RBM46: variants seen among roughly 807,000 people sequenced by gnomAD.
RBM46 encodes probable RNA-binding protein 46.
In RBM46, 12 loss-of-function variants were observed where a neutral mutation model predicts 43.3. The ratio of observed to expected loss-of-function variants is 0.28; its 90% CI spans 0.18 to 0.45. RBM46 has a LOEUF of 0.45. Ranked by LOEUF, RBM46 falls within the 20% of genes least tolerant of loss-of-function variation. The pLI, the probability that RBM46 is intolerant of heterozygous loss-of-function variation, is 1.00. For synonymous variants in RBM46, 205 were observed against 207.6 expected (o/e 0.99, Z 0.11); for missense variants, 412 against 639.1 (o/e 0.64, Z 3.83).
chr4:154,786,947 G>A lies in RBM46; in HGVS notation c.-12+5511G>A, dbSNP rs575448112. Among the ~76,000 whole-genome samples, 8 of 152,128 alleles carry A rather than the reference G, an allele frequency of 5.3e-5. No homozygotes were observed. In the South Asian group the frequency reaches 1.0e-3, roughly 20 times the overall value. On this transcript the variant is annotated intron_variant, in intron 1 of 4. Transcript: ENST00000281722. ...TTCTTGGAAAACAAAAACAATAACTGTGTGAGGTTAGTAAATTATAAGAAC... is the reference window on the plus strand; with the variant it reads ...TTCTTGGAAAACAAAAACAATAACTATGTGAGGTTAGTAAATTATAAGAAC...
intron 4 of RBM46, among the ~76,000 whole-genome samples, chr4:154,815,553 C>G (rs1735393683): frequency 6.6e-6 from 1 of 151,956 alleles, no homozygotes; most frequent in Non-Finnish European, 1.5e-5. Flanking sequence ...ATGATGATAA[C>G]TTACGATATT....
Position 154,828,148 on chromosome 4 carries a change from G to T in RBM46, c.*81G>T. ...CAAATTAAAATATTGTTTTATTTTA[G>T]AATCGGGTTTGCATATTTGGTTTTA... On this transcript the variant is annotated 3_prime_UTR_variant, in exon 5 of 5. Transcript: ENST00000281722. 1.8e-6 allele frequency: 2 copies of T among 1,107,686 alleles called. No individual in the cohort carries two copies. Among genetic ancestry groups the T allele is most frequent in the South Asian group, 1.3e-5 (1 of 76,588 alleles). 68.6% of individuals were successfully genotyped at this position (1,107,686 alleles called of 1,614,324 possible). A position where few individuals can be genotyped will look rare whatever the true frequency, so the allele number is the denominator to read the frequency against.
chr4:154,795,126 A>G (rs1734287447), intron 1 of RBM46, among the ~76,000 whole-genome samples: 1 of 152,190 alleles, frequency 6.6e-6, no homozygotes, highest in Non-Finnish European at 1.5e-5. Flanking sequence ...AAATACATGT[A>G]TAGTGCTTAT....
Position 154,827,799 on chromosome 4 carries a change from T to C in RBM46, c.1403-69T>C. 3.7e-6 allele frequency: 6 copies of C among 1,601,068 alleles called. No individual in the cohort carries two copies. In the South Asian group the frequency reaches 5.6e-5, roughly 15 times the overall value. ...TTAAAATGTGATTATTGTTTAATGCTTTGTCTCTTTAAATTAAATTTGTGT... is the reference window on the plus strand; with the variant it reads ...TTAAAATGTGATTATTGTTTAATGCCTTGTCTCTTTAAATTAAATTTGTGT... On this transcript the variant is annotated intron_variant, in intron 4 of 4. Coordinates refer to ENST00000281722, the MANE Select transcript of RBM46 (RefSeq NM_144979.5).
At chr4:154,827,107 G>GTT (rs1175396799) in intron 4 of RBM46, 1 of 1,055,520 alleles carries the variant, frequency 9.5e-7, no homozygotes, top group African/African-American at 1.7e-5. Context: ...AAATGTTGCA[G>GTT]TTAATGAAAC....
Position 154,798,330 on chromosome 4 carries a change from A to G in RBM46, c.619+52A>G, listed in dbSNP as rs746813133. 5 of 1,124,958 alleles carry G rather than the reference A, an allele frequency of 4.4e-6. No individual in the cohort carries two copies. The South Asian group carries it at 8.0e-5, about 18-fold the overall frequency. 69.7% of individuals were successfully genotyped at this position (1,124,958 alleles called of 1,614,324 possible). A position where few individuals can be genotyped will look rare whatever the true frequency, so the allele number is the denominator to read the frequency against. ...TTAACATTATTACAAATATGGAGAG[A>G]TGATAGTACATCAGGGATCAATATT... On this transcript the variant is annotated intron_variant, in intron 3 of 4. Transcript: ENST00000281722.
intron 4 of RBM46, among the ~76,000 whole-genome samples, chr4:154,805,843 GAGTTATA>G (rs1301892629): frequency 6.6e-6 from 1 of 151,678 alleles, no homozygotes; most frequent in Non-Finnish European, 1.5e-5. Context: ...TATTATAATG[GAGTTATA>G]AATTATAAAT....
rs1447765700 is a variant in RBM46, at chr4:154,808,141, T to C, written c.1402+8577T>C. On this transcript the variant is annotated intron_variant, in intron 4 of 4. Transcript: ENST00000281722. ...TCTCTTAAACAGTTGTATTGCCTGATAATTTGGTTTTTGTACTTTGTTACT... is the reference window on the plus strand; with the variant it reads ...TCTCTTAAACAGTTGTATTGCCTGACAATTTGGTTTTTGTACTTTGTTACT... Among the ~76,000 whole-genome samples the C allele has an allele frequency of 1.8e-4, 27 of 152,148 alleles. No individual in the cohort carries two copies. In the South Asian group the frequency reaches 5.4e-3, roughly 30 times the overall value.
chr4:154,783,184 C>A (rs1178501821), intron 1 of RBM46, among the ~76,000 whole-genome samples: 1 of 152,148 alleles, frequency 6.6e-6, no homozygotes. Context: ...AATATTAATG[C>A]TTTCTGCTTA....
At chr4:154,791,339 G>A (rs1709290400) in intron 1 of RBM46, among the ~76,000 whole-genome samples, 1 of 152,178 alleles carries the variant, frequency 6.6e-6, no homozygotes, top group Admixed American at 6.5e-5. Flanking sequence ...AGGGATGCCA[G>A]TTTAGGAAGT....
intron 4 of RBM46, 29 bp downstream of exon 4, chr4:154,799,593 A>G: frequency 7.2e-7 from 1 of 1,392,094 alleles, no homozygotes; most frequent in Non-Finnish European, 9.6e-7. Flanking sequence ...TAAATGATGT[A>G]TAATATGAAA....
chr4:154,783,350 T>C (rs1480672146), intron 1 of RBM46, among the ~76,000 whole-genome samples: 1 of 152,254 alleles, frequency 6.6e-6, no homozygotes, highest in Non-Finnish European at 1.5e-5. Flanking sequence ...ACCCAGTTTA[T>C]GGACTGAAAT....
At position 154,798,789 on chromosome 4, in the gene RBM46, C is replaced by T. The variant is rs749751745; in HGVS notation, c.627C>T (p.Phe209=). The T allele has an allele frequency of 4.1e-5, 60 of 1,475,228 alleles. 1 individual carries two copies. The highest frequency in any genetic ancestry group is 4.9e-5 in the Non-Finnish European group (55 of 1,115,508). The allele number at this position is 1,475,228 out of a possible 1,614,324, so 91.4% of individuals were successfully genotyped here. Reference sequence around the variant, plus strand: ...ATTATTTTTTTTTTACAGGAACATTCCAACTATGGGGCCACACCATTCAGG... The same window carrying T: ...ATTATTTTTTTTTTACAGGAACATTTCAACTATGGGGCCACACCATTCAGG... ...MARRKLIPGT[F]QLWGHTIQVD... Residue 209 remains phenylalanine, a synonymous_variant, in exon 4 of 5, where the codon TTC becomes TTT. Transcript: ENST00000281722.
intron 4 of RBM46, among the ~76,000 whole-genome samples, chr4:154,823,004 C>T (rs1315824154): frequency 6.6e-6 from 1 of 151,644 alleles, no homozygotes; most frequent in African/African-American, 2.4e-5. Flanking sequence ...TAAATAATAG[C>T]CAAAAGGTTG....
intron 4 of RBM46, among the ~76,000 whole-genome samples, chr4:154,805,761 C>A (rs983105310): frequency 6.6e-6 from 1 of 151,732 alleles, no homozygotes; most frequent in Non-Finnish European, 1.5e-5. Context: ...GAGAAACTTT[C>A]TCCAGGTTTT....
intron 4 of RBM46, among the ~76,000 whole-genome samples, chr4:154,824,726 T>G (rs889464608): frequency 6.6e-6 from 1 of 152,080 alleles, no homozygotes; most frequent in Non-Finnish European, 1.5e-5. Flanking sequence ...TGTAACTAAT[T>G]TTTTATTGGT....
At chr4:154,782,645 A>C (rs11941009) in intron 1 of RBM46, among the ~76,000 whole-genome samples, 34,027 of 151,888 alleles carry the variant, frequency 0.22, 4,264 homozygotes, top group Middle Eastern at 0.3. Flanking sequence ...GCCACCACGC[A>C]CAGCTGATTT....
At position 154,799,135 on chromosome 4, in the gene RBM46, C is replaced by G. The variant is rs1322088423; in HGVS notation, c.973C>G (p.Pro325Ala). ...WRQHLNGQIS[P>A]NSENLIVFAN... ...ACAGCATCTTAATGGTCAGATTAGT[C>G]CAAATTCTGAAAATCTGATTGTGTT... Residue 325 changes from proline (P) to alanine (A), a missense_variant, in exon 4 of 5, where the codon CCA becomes GCA. Coordinates refer to ENST00000281722, the MANE Select transcript of RBM46 (RefSeq NM_144979.5). 6 of 1,613,894 alleles carry G rather than the reference C, an allele frequency of 3.7e-6. No homozygotes were observed. In the Admixed American group the frequency reaches 5.0e-5, roughly 13 times the overall value.
chr4:154,802,300 CTT>C (rs943522290), intron 4 of RBM46, among the ~76,000 whole-genome samples: 1 of 152,142 alleles, frequency 6.6e-6, no homozygotes, highest in South Asian at 2.1e-4. Context: ...GTCTAGGAAA[CTT>C]TGATCAGAAA....
Sources: allele counts gnomAD v4.1 joint callset (sites outside exome capture counted in the v4.1 genomes callset), GRCh38; gene constraint gnomAD v4.1.1; transcripts MANE v1.5; gene names NCBI Gene and HGNC (gene_info 2026-07-23, HGNC 2026-07-21).